Variants in DNMT3B observed in about 807,000 individuals in gnomAD.
DNMT3B encodes DNA (cytosine-5)-methyltransferase 3B.
A neutral mutation model predicts 120.2 loss-of-function variants in DNMT3B; 37 were observed. The ratio of observed to expected loss-of-function variants is 0.31; its 90% CI spans 0.24 to 0.40. The LOEUF (loss-of-function observed/expected upper bound fraction) is 0.40. Among genes scored for constraint, DNMT3B ranks in the 10% least tolerant of loss-of-function variants. The probability of loss-of-function intolerance (pLI) is 1.00; values close to 1 mark genes in which losing one functional copy is unlikely to be tolerated. For synonymous variants in DNMT3B, 412 were observed against 442.8 expected (o/e 0.93, Z 0.87); for missense variants, 878 against 1,137.3 (o/e 0.77, Z 3.28).
At chr20:32,785,370 A>G (rs1385705004) in intron 4 of DNMT3B, among the ~76,000 whole-genome samples, 1 of 152,052 alleles carries the variant, frequency 6.6e-6, no homozygotes, top group Non-Finnish European at 1.5e-5. Context: ...CATTTCTTTC[A>G]GGTGGTTTTT....
intron 22 of DNMT3B, among the ~76,000 whole-genome samples, chr20:32,806,750 T>C (rs1208435444): frequency 6.6e-6 from 1 of 152,242 alleles, no homozygotes; most frequent in African/African-American, 2.4e-5. Flanking sequence ...GTTTGTCTGT[T>C]TTGATGCAAA....
chr20:32,786,732 T>C lies in DNMT3B; in HGVS notation c.432+105T>C, dbSNP rs370257107. On this transcript the variant is annotated intron_variant, in intron 5 of 22. Transcript: ENST00000328111. ...GGCTGGTAGATAATCTGTGTCCTTTTTTCACACTGCTTTTCAGGTTCTTGC... is the reference window on the plus strand; with the variant it reads ...GGCTGGTAGATAATCTGTGTCCTTTCTTCACACTGCTTTTCAGGTTCTTGC... 4.5e-6 allele frequency: 7 copies of C among 1,567,222 alleles called. No homozygotes were observed. The African/African-American group carries it at 8.1e-5, about 18-fold the overall frequency.
At chr20:32,778,887 G>C (rs1334651676) in intron 1 of DNMT3B, among the ~76,000 whole-genome samples, 1 of 152,182 alleles carries the variant, frequency 6.6e-6, no homozygotes, top group Non-Finnish European at 1.5e-5. Context: ...AGGGAGCCGT[G>C]ATCACGCCAC....
intron 7 of DNMT3B, among the ~76,000 whole-genome samples, chr20:32,791,129 G>A (rs960434075): frequency 1.3e-5 from 2 of 152,164 alleles, no homozygotes; most frequent in Admixed American, 6.5e-5. Flanking sequence ...GCTGTGTCGA[G>A]CACTGTTTTC....
At position 32,808,628 on chromosome 20, in the gene DNMT3B, T is replaced by A. The variant is rs1216393391; in HGVS notation, c.*725T>A. ...CAGGGGCCACTCTTAGCTAAATCCC[T>A]CCCCGTGACTGCAATAGAACCCTCT... On this transcript the variant is annotated 3_prime_UTR_variant, in exon 23 of 23. Coordinates refer to ENST00000328111, the MANE Select transcript of DNMT3B (RefSeq NM_006892.4). The A allele has an allele frequency of 4.3e-6, 1 of 230,274 alleles. No individual in the cohort carries two copies. Among genetic ancestry groups the A allele is most frequent in the African/African-American group, 2.2e-5 (1 of 45,056 alleles). The allele number at this position is 230,274 out of a possible 1,614,324, so 14.3% of individuals were successfully genotyped here.
At position 32,765,430 on chromosome 20, in the gene DNMT3B, T is replaced by C. The variant is rs1291451722; in HGVS notation, c.-7+2731T>C. On this transcript the variant is annotated intron_variant, in intron 1 of 22. Coordinates refer to ENST00000328111, the MANE Select transcript of DNMT3B (RefSeq NM_006892.4). The stretch of plus-strand genomic sequence containing the variant: ...TTTCTTTCTCTTTTTTTCTTTCTTT[T>C]TTTTTTTTTTGAGACAGTTTTGCTT... Among the ~76,000 whole-genome samples, 8 of 150,350 alleles carry C rather than the reference T, an allele frequency of 5.3e-5. No homozygotes were observed. In the East Asian group the frequency reaches 5.8e-4, roughly 11 times the overall value.
At chr20:32,795,735 G>A (rs201174651) in intron 12 of DNMT3B, 41 bp downstream of exon 12, 3 of 1,612,500 alleles carry the variant, frequency 1.9e-6, no homozygotes, top group Non-Finnish European at 2.5e-6. Flanking sequence ...TCACACCCTG[G>A]CTAGGGCTCT....
At chr20:32,789,092 A>G in intron 7 of DNMT3B, 80 bp downstream of exon 7, 1 of 1,587,300 alleles carries the variant, frequency 6.3e-7, no homozygotes, top group Admixed American at 1.7e-5. Flanking sequence ...AAGGCCTGGG[A>G]TTGTATTCTG....
rs928257057 is a variant in DNMT3B, at chr20:32,809,020, C to T, written c.*1117C>T. 6 of 216,604 alleles carry T rather than the reference C, an allele frequency of 2.8e-5. No individual in the cohort carries two copies. The highest frequency in any genetic ancestry group is 1.2e-4 in the Admixed American group (2 of 17,174). The allele number at this position is 216,604 out of a possible 1,614,324, so 13.4% of individuals were successfully genotyped here. ...AATCCTTTTTTATTCCATAAGAAGTCGTTTTTAGGGAGAACGGGAATTCAG... is the reference window on the plus strand; with the variant it reads ...AATCCTTTTTTATTCCATAAGAAGTTGTTTTTAGGGAGAACGGGAATTCAG... On this transcript the variant is annotated 3_prime_UTR_variant, in exon 23 of 23. Coordinates refer to ENST00000328111, the MANE Select transcript of DNMT3B (RefSeq NM_006892.4).
intron 5 of DNMT3B, among the ~76,000 whole-genome samples, chr20:32,786,959 G>A (rs1979363913): frequency 6.6e-6 from 1 of 152,184 alleles, no homozygotes; most frequent in African/African-American, 2.4e-5. Flanking sequence ...GGCAACCCTA[G>A]CGGGTATGGC....
intron 1 of DNMT3B, among the ~76,000 whole-genome samples, chr20:32,773,885 C>A (rs1308770128): frequency 9.5e-6 from 1 of 105,440 alleles, no homozygotes; most frequent in Non-Finnish European, 1.7e-5. Context: ...AAGCCTTGGC[C>A]TCCTAAAGTG....
rs754046991 is a variant in DNMT3B, at chr20:32,780,304, G to T, written c.-6-14G>T. ...GCTTCCCTTTCACCCCACCCATTCT[G>T]GCTTCTCCCACAGGAAAGCATGAAG... On this transcript the variant is annotated splice_polypyrimidine_tract_variant and intron_variant, in intron 1 of 22. Coordinates refer to ENST00000328111, the MANE Select transcript of DNMT3B (RefSeq NM_006892.4). 2 of 1,613,790 alleles carry T rather than the reference G, an allele frequency of 1.2e-6. No individual in the cohort carries two copies. The highest frequency in any genetic ancestry group is 4.5e-5 in the East Asian group (2 of 44,872).
rs1189646152 is a variant in DNMT3B at position 32,807,879 on chromosome 20, G to A, written c.2538G>A (p.Leu846=). The A allele has an allele frequency of 3.1e-6, 5 of 1,614,126 alleles. No individual in the cohort carries two copies. The highest frequency in any genetic ancestry group is 4.2e-6 in the Non-Finnish European group (5 of 1,180,054). The change falls in exon 23 of 23, where the codon CTG becomes CTA. Residue 846 remains leucine (L), a synonymous_variant. Coordinates refer to ENST00000328111, the MANE Select transcript of DNMT3B (RefSeq NM_006892.4). ...VPVIRHLFAP[L]KDYFACE is the part of the protein sequence containing the mutation. ...TCATCCGACACCTCTTCGCCCCTCT[G>A]AAGGACTACTTTGCATGTGAATAGT...
At chr20:32,770,880 G>A (rs1165465693) in intron 1 of DNMT3B, among the ~76,000 whole-genome samples, 2 of 152,150 alleles carry the variant, frequency 1.3e-5, no homozygotes, top group Non-Finnish European at 2.9e-5. Context: ...CCAAAGTGCT[G>A]GGATTACAGG....
intron 3 of DNMT3B, among the ~76,000 whole-genome samples, chr20:32,784,194 C>T (rs531040737): frequency 2.6e-5 from 4 of 152,178 alleles, no homozygotes; most frequent in Non-Finnish European, 5.9e-5. Context: ...TGGGATTACA[C>T]GCCTGGCCTA....
At chr20:32,802,325 C>A in intron 19 of DNMT3B, 60 bp from the exon 20 acceptor site, 1 of 1,562,506 alleles carries the variant, frequency 6.4e-7, no homozygotes. Context: ...CTGCAAAGGT[C>A]TGGTTGACAC....
intron 1 of DNMT3B, among the ~76,000 whole-genome samples, chr20:32,776,460 T>A (rs1431710248): frequency 6.6e-6 from 1 of 152,116 alleles, no homozygotes; most frequent in Non-Finnish European, 1.5e-5. Flanking sequence ...GTGAGATACA[T>A]AGAAAAGAGG....
rs1430704492 is a variant in DNMT3B, at chr20:32,792,722, T to C, written c.1018T>C (p.Phe340Leu). 1.4e-5 allele frequency: 22 copies of C among 1,614,078 alleles called. No individual in the cohort carries two copies. The highest frequency in any genetic ancestry group is 1.8e-5 in the Non-Finnish European group (21 of 1,180,048). ...CATGTTGGAGTGGGCCCACGGGGGC[T>C]TCAAGCCCACTGGGATCGAGGGCCT... ...KPMLEWAHGG[F>L]KPTGIEGLKP... The change falls in exon 9 of 23, where the codon TTC (phenylalanine) becomes CTC (leucine). Residue 340 changes from phenylalanine to leucine, a missense_variant. Phe to Leu is a conservative substitution (Grantham distance 22). This residue lies in a region of DNMT3B where 207 missense variants were observed against 222.6 expected (regional missense o/e 0.93). Transcript: ENST00000328111.
chr20:32,773,932 T>G (rs1056762497), intron 1 of DNMT3B, among the ~76,000 whole-genome samples: 8 of 111,826 alleles, frequency 7.2e-5, no homozygotes, highest in Admixed American at 2.1e-4. Context: ...CGCCCGGCAG[T>G]GGTTTTTTTT....
Sources: allele counts gnomAD v4.1 joint callset (sites outside exome capture counted in the v4.1 genomes callset), GRCh38; gene constraint gnomAD v4.1.1; regional missense constraint gnomAD v4.1.1; transcripts MANE v1.5; gene names NCBI Gene and HGNC (gene_info 2026-07-23, HGNC 2026-07-21).